RAB31: variants seen among roughly 807,000 people sequenced by gnomAD.
RAB31 encodes RAB31, member RAS oncogene family.
RAB31 carries 21 observed loss-of-function variants against 25.6 expected under a neutral mutation model. The ratio of observed to expected loss-of-function variants is 0.82; its 90% CI spans 0.58 to 1.18. RAB31 has a LOEUF of 1.18. RAB31 is among the 50% of genes most tolerant of loss of function. The probability of loss-of-function intolerance (pLI) is 0.00; values close to 1 mark genes in which losing one functional copy is unlikely to be tolerated. For synonymous variants in RAB31, 87 were observed against 84.0 expected (o/e 1.04, Z -0.20); for missense variants, 196 against 250.1 (o/e 0.78, Z 1.46).
At chr18:9,799,904 A>G (rs1343280192) in intron 3 of RAB31, among the ~76,000 whole-genome samples, 2 of 152,102 alleles carry the variant, frequency 1.3e-5, no homozygotes, top group African/African-American at 4.8e-5. Context: ...GAAGAGTGCC[A>G]TTGGGCTCCC....
chr18:9,789,018 G>T (rs1409216939), intron 2 of RAB31, among the ~76,000 whole-genome samples: 1 of 152,098 alleles, frequency 6.6e-6, no homozygotes, highest in Non-Finnish European at 1.5e-5. Context: ...AGAAAATGTG[G>T]TATATATACA....
intron 1 of RAB31, among the ~76,000 whole-genome samples, chr18:9,733,636 A>G (rs935474590): frequency 6.6e-6 from 1 of 152,172 alleles, no homozygotes; most frequent in Non-Finnish European, 1.5e-5. Flanking sequence ...GGTTCCCTCC[A>G]GGATTCGGTC....
At chr18:9,775,901 GC>G (rs2068369935) in intron 2 of RAB31, among the ~76,000 whole-genome samples, 1 of 152,100 alleles carries the variant, frequency 6.6e-6, no homozygotes, top group Non-Finnish European at 1.5e-5. Context: ...GGATTCTCCT[GC>G]CTCAGCCTCC....
intron 5 of RAB31, among the ~76,000 whole-genome samples, chr18:9,837,107 C>A (rs202151309): frequency 8.3e-6 from 1 of 120,032 alleles, no homozygotes; most frequent in Non-Finnish European, 1.8e-5. Flanking sequence ...GGTGAGACAC[C>A]TGGGGAGAGT....
At chr18:9,845,448 C>G in intron 5 of RAB31, 134 bp from the exon 6 acceptor site, 1 of 769,406 alleles carries the variant, frequency 1.3e-6, no homozygotes, top group South Asian at 2.3e-5. Flanking sequence ...GGTGTCCATT[C>G]TTGCTGAGTG....
intron 5 of RAB31, among the ~76,000 whole-genome samples, chr18:9,844,015 T>C (rs979668713): frequency 9.2e-5 from 14 of 152,216 alleles, no homozygotes; most frequent in African/African-American, 2.9e-4. Context: ...CCCATCACTC[T>C]CTGTCCCTGT....
At chr18:9,802,974 T>C (rs995535068) in intron 3 of RAB31, among the ~76,000 whole-genome samples, 8 of 152,224 alleles carry the variant, frequency 5.3e-5, no homozygotes, top group Admixed American at 1.3e-4. Context: ...TTGGAAGTTC[T>C]TGAAGAATGG....
chr18:9,791,425 TCTTGCTCTGTCA>T (rs1284926531), intron 2 of RAB31, among the ~76,000 whole-genome samples: 1 of 123,788 alleles, frequency 8.1e-6, no homozygotes, highest in African/African-American at 3.1e-5. Flanking sequence ...TGAGACGGAG[TCTTGCTCTGTCA>T]CTCAGGCTAG....
intron 3 of RAB31, among the ~76,000 whole-genome samples, chr18:9,797,752 T>G (rs1177219711): frequency 6.6e-6 from 1 of 152,256 alleles, no homozygotes; most frequent in African/African-American, 2.4e-5. Flanking sequence ...GATAATTTTA[T>G]ATCAATGGGA....
chr18:9,754,691 G>A (rs1011367413), intron 1 of RAB31, among the ~76,000 whole-genome samples: 1 of 152,190 alleles, frequency 6.6e-6, no homozygotes, highest in African/African-American at 2.4e-5. Context: ...AAAGTGTACA[G>A]GAGGATGTGC....
At chr18:9,734,924 CT>C in intron 1 of RAB31, 1 of 325,874 alleles carries the variant, frequency 3.1e-6, no homozygotes, top group Non-Finnish European at 6.3e-6. Flanking sequence ...GGAGCTTTCC[CT>C]TTCCCAGAAC....
intron 1 of RAB31, among the ~76,000 whole-genome samples, chr18:9,746,309 G>A (rs1328093646): frequency 1.3e-5 from 2 of 152,196 alleles, no homozygotes; most frequent in African/African-American, 4.8e-5. Flanking sequence ...TTCATGGATT[G>A]GAAGACTTCT....
At chr18:9,768,139 A>G (rs139789538) in intron 1 of RAB31, among the ~76,000 whole-genome samples, 149 of 152,242 alleles carry the variant, frequency 9.8e-4, no homozygotes, top group African/African-American at 3.4e-3. Context: ...AGTCTTTGCT[A>G]TTGTGAACAG....
At chr18:9,833,520 CGATCTCTTGTTA>C (rs1192379591) in intron 5 of RAB31, among the ~76,000 whole-genome samples, 1 of 152,182 alleles carries the variant, frequency 6.6e-6, no homozygotes, top group Non-Finnish European at 1.5e-5. Flanking sequence ...TACTTTTGCT[CGATCTCTTGTTA>C]GTTTAGTTCA....
At chr18:9,825,590 A>T (rs1568189090) in intron 5 of RAB31, among the ~76,000 whole-genome samples, 1 of 152,230 alleles carries the variant, frequency 6.6e-6, no homozygotes, top group African/African-American at 2.4e-5. Context: ...CATTTTAAAA[A>T]GTGATCCTTT....
In RAB31 at chr18:9,815,225, A is replaced by G; in HGVS notation, c.380+3A>G. 6.6e-7 allele frequency: 1 copy of G among 1,525,150 alleles called. No homozygotes were observed. The highest frequency in any genetic ancestry group is 1.2e-5 in the South Asian group (1 of 83,524). 94.5% of individuals were successfully genotyped at this position (1,525,150 alleles called of 1,614,324 possible). A position where few individuals can be genotyped will look rare whatever the true frequency, so the allele number is the denominator to read the frequency against. ...AAGTGCGACCTCTCAGATATTAGGTAAGATGCATTGAAATCTCTTTTGTGT... is the reference window on the plus strand; with the variant it reads ...AAGTGCGACCTCTCAGATATTAGGTGAGATGCATTGAAATCTCTTTTGTGT... On this transcript the variant is annotated splice_donor_region_variant and intron_variant, in intron 5 of 6. Transcript: ENST00000578921.
chr18:9,755,529 C>T lies in RAB31; in HGVS notation c.40-19749C>T, dbSNP rs891656672. The stretch of plus-strand genomic sequence containing the variant: ...TCACGCTGTCAATTTTAGCTCATTG[C>T]TGTGATATCCAGCATAGCAGTAAGG... On this transcript the variant is annotated intron_variant, in intron 1 of 6. Coordinates refer to ENST00000578921, the MANE Select transcript of RAB31 (RefSeq NM_006868.4). 1.6e-4 allele frequency among the ~76,000 whole-genome samples: 25 copies of T among 152,348 alleles called. No homozygotes were observed. In the South Asian group the frequency reaches 4.8e-3, roughly 29 times the overall value.
intron 6 of RAB31, among the ~76,000 whole-genome samples, chr18:9,857,729 TATAG>T (rs2068826098): frequency 6.7e-6 from 1 of 149,310 alleles, no homozygotes; most frequent in East Asian, 2.0e-4. Context: ...GATAGATAGA[TATAG>T]ATATTCATTT....
At chr18:9,718,484 C>A (rs1455314262) in intron 1 of RAB31, among the ~76,000 whole-genome samples, 6 of 152,114 alleles carry the variant, frequency 3.9e-5, no homozygotes, top group Admixed American at 3.9e-4. Context: ...GTCTTGAACT[C>A]TTGACCTCAG....
Sources: allele counts gnomAD v4.1 joint callset (sites outside exome capture counted in the v4.1 genomes callset), GRCh38; gene constraint gnomAD v4.1.1; transcripts MANE v1.5; gene names NCBI Gene and HGNC (gene_info 2026-07-23, HGNC 2026-07-21).